MAN1A1: variants seen among roughly 807,000 people sequenced by gnomAD.
MAN1A1 encodes the protein mannosyl-oligosaccharide 1,2-alpha-mannosidase IA.
A neutral mutation model predicts 70.8 loss-of-function variants in MAN1A1; 29 were observed. The observed-to-expected ratio is 0.41, with a 90% CI of 0.31 to 0.56. MAN1A1 has a LOEUF of 0.56. Ranked by LOEUF, MAN1A1 falls within the 20% of genes least tolerant of loss-of-function variation. The probability of loss-of-function intolerance (pLI) is 0.29; values close to 1 mark genes in which losing one functional copy is unlikely to be tolerated. For synonymous variants in MAN1A1, 349 were observed against 330.1 expected, an observed-to-expected ratio of 1.06 and a Z score of -0.62; for missense variants, 747 against 841.3, an observed-to-expected ratio of 0.89 and a Z score of 1.39.
chr6:119,239,049 C>T (rs1774931633), intron 6 of MAN1A1, among the ~76,000 whole-genome samples: 1 of 152,112 alleles, frequency 6.6e-6, no homozygotes, highest in Non-Finnish European at 1.5e-5. Flanking sequence ...TGCCACCGCG[C>T]CTGGCTAATT....
chr6:119,345,080 C>T (rs899357063), intron 2 of MAN1A1, among the ~76,000 whole-genome samples: 7 of 151,614 alleles, frequency 4.6e-5, no homozygotes, highest in African/African-American at 1.7e-4. Flanking sequence ...CCCTATTACT[C>T]AGGTCTCCCC....
At chr6:119,336,219 G>A (rs563290428) in intron 2 of MAN1A1, among the ~76,000 whole-genome samples, 1 of 152,236 alleles carries the variant, frequency 6.6e-6, no homozygotes, top group African/African-American at 2.4e-5. Context: ...ACAGGCTCAC[G>A]CCACCACACC....
At position 119,348,658 on chromosome 6, in the gene MAN1A1, C is replaced by T; in HGVS notation, c.408G>A (p.Lys136=). The stretch of plus-strand genomic sequence containing the variant: ...CCTCGGGCAGCTTCTGCAGGGTCTC[C>T]TTGGCTTCCCTGAGAGCCCGCTCGT... The part of the protein sequence containing the change: ...ENHERALREA[K]ETLQKLPEEI... Residue 136 remains lysine (K), a synonymous_variant, in exon 2 of 13, where the codon AAG becomes AAA. Transcript: ENST00000368468. The T allele has an allele frequency of 6.2e-7, 1 of 1,613,280 alleles. No individual in the cohort carries two copies. Among genetic ancestry groups the T allele is most frequent in the Non-Finnish European group, 8.5e-7 (1 of 1,179,674 alleles).
chr6:119,192,030 CTT>C (rs906920719), intron 9 of MAN1A1, among the ~76,000 whole-genome samples: 1 of 152,104 alleles, frequency 6.6e-6, no homozygotes, highest in African/African-American at 2.4e-5. Flanking sequence ...GCAGGAAACA[CTT>C]TGACTTCATT....
intron 2 of MAN1A1, among the ~76,000 whole-genome samples, chr6:119,311,034 C>T (rs992441500): frequency 3.9e-5 from 6 of 152,160 alleles, no homozygotes; most frequent in African/African-American, 7.2e-5. Flanking sequence ...GCTCTGCCAT[C>T]GTCAGTGTGA....
At position 119,184,675 on chromosome 6, in the gene MAN1A1, C is replaced by CA. The variant is rs1398662989; in HGVS notation, c.1719+3729dup. ...TAGAAGAGCAAAGAAAATGTCTGTG[C>CA]AAAAAAACAAAACCAAAAAACCTGA... On this transcript the variant is annotated intron_variant, in intron 11 of 12. Transcript: ENST00000368468. 2.7e-5 allele frequency among the ~76,000 whole-genome samples: 4 copies of CA among 149,688 alleles called. No homozygotes were observed. The East Asian group carries it at 5.9e-4, about 22-fold the overall frequency.
intron 5 of MAN1A1, among the ~76,000 whole-genome samples, chr6:119,254,369 G>T (rs1481727625): frequency 6.6e-6 from 1 of 152,158 alleles, no homozygotes; most frequent in East Asian, 1.9e-4. Flanking sequence ...CCAGAAAAAA[G>T]AGGGAGAGTA....
intron 2 of MAN1A1, among the ~76,000 whole-genome samples, chr6:119,339,599 TG>T (rs1464816722): frequency 1.3e-5 from 2 of 151,920 alleles, no homozygotes; most frequent in Non-Finnish European, 2.9e-5. Flanking sequence ...ATGAAGGATT[TG>T]TTTTTTTTTT....
At position 119,349,086 on chromosome 6, in the gene MAN1A1, C is replaced by T. The variant is rs1773828461; in HGVS notation, c.-21G>A. 1 of 1,282,454 alleles carries T rather than the reference C, an allele frequency of 7.8e-7. No homozygotes were observed. Among genetic ancestry groups the T allele is most frequent in the Non-Finnish European group, 9.9e-7 (1 of 1,014,510 alleles). The allele number at this position is 1,282,454 out of a possible 1,614,324, so 79.4% of individuals were successfully genotyped here. The stretch of plus-strand genomic sequence containing the variant: ...GGCATCGCTCCCGCTGTCCAGTGGT[C>T]CGGCGCCGCGCCGCTCAGCAGCCAA... On this transcript the variant is annotated 5_prime_UTR_variant, in exon 2 of 13. Coordinates refer to ENST00000368468, the MANE Select transcript of MAN1A1 (RefSeq NM_005907.4).
chr6:119,277,982 TAAATAAAA>T (rs916555469), intron 5 of MAN1A1, among the ~76,000 whole-genome samples: 5 of 87,068 alleles, frequency 5.7e-5, no homozygotes, highest in South Asian at 3.9e-4. Flanking sequence ...AATAAATAAA[TAAATAAAA>T]AAAAAGTAAT....
chr6:119,233,952 A>G (rs1774764640), intron 6 of MAN1A1, among the ~76,000 whole-genome samples: 1 of 152,242 alleles, frequency 6.6e-6, no homozygotes, highest in African/African-American at 2.4e-5. Context: ...AGTGACCACA[A>G]TAATATCTGC....
At chr6:119,307,766 G>C (rs1772572739) in intron 2 of MAN1A1, among the ~76,000 whole-genome samples, 2 of 152,058 alleles carry the variant, frequency 1.3e-5, no homozygotes, top group South Asian at 4.1e-4. Context: ...TAAAAGGATT[G>C]GGACTCTTCA....
intron 5 of MAN1A1, among the ~76,000 whole-genome samples, chr6:119,276,270 C>T (rs1291831671): frequency 6.6e-6 from 1 of 152,162 alleles, no homozygotes; most frequent in Non-Finnish European, 1.5e-5. Context: ...TTCTTCAGAG[C>T]TCTTATTGCC....
chr6:119,180,421 C>A lies in MAN1A1; in HGVS notation c.1726G>T (p.Glu576Ter). The change falls in exon 12 of 13, where the codon GAA (glutamate) becomes TAA (stop). Residue 576 changes from glutamate (E) to a stop codon, truncating the protein, a stop_gained. Transcript: ENST00000368468. LOFTEE classifies it high-confidence loss of function. ...KWAWEAVEAL[E>*]NHCRVNGGYS... The stretch of plus-strand genomic sequence containing the variant: ...CCTCCATTCACTCTGCAATGGTTTT[C>A]CAAGGCCTAAATTATAGAGGAGGAA... 1 of 1,582,638 alleles carries A rather than the reference C, an allele frequency of 6.3e-7. No homozygotes were observed. The highest frequency in any genetic ancestry group is 1.1e-5 in the South Asian group (1 of 88,428).
intron 8 of MAN1A1, among the ~76,000 whole-genome samples, chr6:119,197,597 G>A (rs1247563745): frequency 6.6e-6 from 1 of 152,202 alleles, no homozygotes; most frequent in South Asian, 2.1e-4. Flanking sequence ...GAGCACTGAA[G>A]AGGGGATCCT....
intron 2 of MAN1A1, among the ~76,000 whole-genome samples, chr6:119,342,428 T>C (rs1357278283): frequency 6.6e-6 from 1 of 152,202 alleles, no homozygotes; most frequent in East Asian, 1.9e-4. Flanking sequence ...TCATGTCTGA[T>C]ACCATTCTAA....
At chr6:119,214,546 G>C (rs189493465) in intron 6 of MAN1A1, among the ~76,000 whole-genome samples, 561 of 151,940 alleles carry the variant, frequency 3.7e-3, no homozygotes, top group Non-Finnish European at 5.7e-3. Context: ...TTTAGACAGG[G>C]TCTCACTCTG....
Position 119,248,277 on chromosome 6 carries a change from T to C in MAN1A1, c.975A>G (p.Ala325=), listed in dbSNP as rs200405650. The C allele has an allele frequency of 1.2e-6, 2 of 1,610,044 alleles. No individual in the cohort carries two copies. The highest frequency in any genetic ancestry group is 1.7e-6 in the Non-Finnish European group (2 of 1,176,736). ...AFHTPSGIPW[A]LLNMKSGIGR... ...AGTTTTACCTTTTCATATTCAGCAA[T>C]GCCCAAGGTATTCCAGAGGGAGTAT... Residue 325 remains alanine, a synonymous_variant, in exon 6 of 13, where the codon GCA becomes GCG. Transcript: ENST00000368468.
intron 2 of MAN1A1, among the ~76,000 whole-genome samples, chr6:119,339,511 C>T (rs142665824): frequency 7.2e-5 from 11 of 151,976 alleles, no homozygotes; most frequent in African/African-American, 2.4e-4. Flanking sequence ...TATAACCCGG[C>T]GTCGGGGGGT....
Sources: allele counts gnomAD v4.1 joint callset (sites outside exome capture counted in the v4.1 genomes callset), GRCh38; gene constraint gnomAD v4.1.1; transcripts MANE v1.5; gene names NCBI Gene and HGNC (gene_info 2026-07-23, HGNC 2026-07-21).